Variants in KIF7 observed in about 807,000 individuals in gnomAD.
KIF7 encodes the protein kinesin-like protein KIF7.
A neutral mutation model predicts 135.7 loss-of-function variants in KIF7; 104 were observed. That is an observed-to-expected ratio of 0.77 (90% confidence interval 0.65 to 0.90). The LOEUF (loss-of-function observed/expected upper bound fraction) is 0.90. Among genes scored for constraint, KIF7 ranks in the 40% least tolerant of loss-of-function variants. The pLI is 0.00. For missense variants in KIF7, 2,005 were observed against 1,839.1 expected (o/e 1.09, Z -1.65); for synonymous variants, 883 against 809.4 (o/e 1.09, Z -1.54).
chr15:89,635,025 CT>C (rs890607314), intron 11 of KIF7, among the ~76,000 whole-genome samples: 1 of 152,338 alleles, frequency 6.6e-6, no homozygotes, highest in Non-Finnish European at 1.5e-5. Context: ...GACCCCTGAC[CT>C]CCGAGCAGCC....
At chr15:89,630,963 T>C (rs954218438) in intron 15 of KIF7, 7 of 267,764 alleles carry the variant, frequency 2.6e-5, no homozygotes, top group African/African-American at 1.3e-4. Flanking sequence ...GTGACTGTAC[T>C]GAATACTGTA....
In KIF7 at chr15:89,652,852, G is replaced by A. The variant is rs1429190056; in HGVS notation, c.79C>T (p.Pro27Ser). 4 of 1,548,328 alleles carry A rather than the reference G, an allele frequency of 2.6e-6. No individual in the cohort carries two copies. Among genetic ancestry groups the A allele is most frequent in the Non-Finnish European group, 3.5e-6 (4 of 1,145,838 alleles). Reference protein sequence around the residue: ...RVALRVRPLLPKELLHGHQSC... With the variant: ...RVALRVRPLLSKELLHGHQSC... ...TGATGCCCGTGCAGCAGCTCCTTGGGCAGCAGTGGTCGAACTCGCAGGGCA... is the reference window on the plus strand; with the variant it reads ...TGATGCCCGTGCAGCAGCTCCTTGGACAGCAGTGGTCGAACTCGCAGGGCA... The change falls in exon 2 of 19, where the codon CCC becomes TCC. Residue 27 changes from proline (P) to serine (S), a missense_variant. Pro to Ser is a moderately conservative substitution (Grantham distance 74). Transcript: ENST00000394412.
chr15:89,625,752 A>G (rs1412269820), downstream of KIF7: 1 of 1,612,070 alleles, frequency 6.2e-7, no homozygotes, highest in Non-Finnish European at 8.5e-7. Context: ...CATGGCAGCT[A>G]CCCTCCACGG....
chr15:89,660,755 C>G, the KIF7 span, among the ~76,000 whole-genome samples: 1 of 152,144 alleles, frequency 6.6e-6, no homozygotes, highest in Non-Finnish European at 1.5e-5. Flanking sequence ...CTTCCCTGTC[C>G]CATTGATGTG....
At chr15:89,631,044 T>A in intron 15 of KIF7, 2 of 228,816 alleles carry the variant, frequency 8.7e-6, no homozygotes, top group South Asian at 1.5e-4. Context: ...TGCGGTGTTA[T>A]AATTTTCTGG....
rs563944213 is a variant in KIF7, at chr15:89,629,469, G to C, written c.3423C>G (p.Ala1141=). ...QQRLVYWLEV[A]LERQRLEMDR... ...CCATCTCCAGGCGCTGCCGCTCCAG[G>C]GCCACCTCCAGCCAGTACACCAGCC... Residue 1141 remains alanine, a synonymous_variant, in exon 17 of 19, where the codon GCC becomes GCG. Coordinates refer to ENST00000394412, the MANE Select transcript of KIF7 (RefSeq NM_198525.3). 5 of 1,610,344 alleles carry C rather than the reference G, an allele frequency of 3.1e-6. No individual in the cohort carries two copies. The African/African-American group carries it at 5.3e-5, about 17-fold the overall frequency.
chr15:89,628,683 C>T lies in KIF7; in HGVS notation c.3768G>A (p.Glu1256=). Residue 1256 remains glutamate, a synonymous_variant, in exon 19 of 19, where the codon GAG becomes GAA. Transcript: ENST00000394412. ...TCTCCTCCCGGGTGCGGGGGGCCCC[C>T]TCAGTGAGGGGGGACAGCCAGAGAA... is the stretch of plus-strand genomic sequence containing the variant. ...PELLWLSPLT[E]GAPRTREETR... The T allele has an allele frequency of 6.2e-7, 1 of 1,613,016 alleles. No individual in the cohort carries two copies. Among genetic ancestry groups the T allele is most frequent in the Non-Finnish European group, 8.5e-7 (1 of 1,179,886 alleles).
chr15:89,638,168 A>T (rs1380484390), intron 11 of KIF7, among the ~76,000 whole-genome samples: 1 of 138,046 alleles, frequency 7.2e-6, no homozygotes, highest in Non-Finnish European at 1.6e-5. Context: ...CATAAGAGCT[A>T]TCTATGACAA....
chr15:89,633,360 A>G (rs1429953156), intron 12 of KIF7, 94 bp from the exon 13 acceptor site: 3 of 1,485,790 alleles, frequency 2.0e-6, no homozygotes, highest in South Asian at 2.4e-5. Context: ...GTGCCTGCCC[A>G]CTCCCAAGAG....
chr15:89,657,495 G>T (rs1032493230), upstream of KIF7, among the ~76,000 whole-genome samples: 7 of 152,070 alleles, frequency 4.6e-5, no homozygotes, highest in African/African-American at 1.7e-4. Flanking sequence ...CTTTCTGGTG[G>T]ATGTGCAGTG....
chr15:89,646,098 A>T, intron 7 of KIF7, 72 bp from the exon 8 acceptor site: 1 of 1,577,346 alleles, frequency 6.3e-7, no homozygotes, highest in South Asian at 1.1e-5. Flanking sequence ...TGCCCTCCTC[A>T]TATCTCTCCC....
chr15:89,648,960 A>AG lies in KIF7; in HGVS notation c.923+13dup, dbSNP rs1460492974. The AG allele has an allele frequency of 5.9e-6, 9 of 1,525,646 alleles. No individual in the cohort carries two copies. The Admixed American group carries it at 1.0e-4, about 17-fold the overall frequency. The allele number at this position is 1,525,646 out of a possible 1,614,324, so 94.5% of individuals were successfully genotyped here. ...CCGGCCCCCAGGCCACATAGGAGCC[A>AG]GGGGGCAGCTCACCGGGTGATCTTG... On this transcript the variant is annotated intron_variant, in intron 4 of 18. Transcript: ENST00000394412.
downstream of KIF7, chr15:89,624,913 C>G: frequency 1.2e-6 from 2 of 1,614,100 alleles, no homozygotes; most frequent in Non-Finnish European, 1.7e-6. Flanking sequence ...GAGACAGTGC[C>G]AGGCTTCGGC....
At chr15:89,623,481 G>C (rs536684961), downstream of KIF7, 334 of 853,980 alleles carry the variant, frequency 3.9e-4, 2 homozygotes, top group Non-Finnish European at 4.4e-4. Flanking sequence ...AGAGGGAAAC[G>C]GGTCACTATT....
At chr15:89,630,141 G>T in intron 16 of KIF7, 146 bp downstream of exon 16, 1 of 730,140 alleles carries the variant, frequency 1.4e-6, no homozygotes, top group Non-Finnish European at 2.3e-6. Context: ...TAGGCTTTAA[G>T]GTCAGGCGGC....
upstream of KIF7, among the ~76,000 whole-genome samples, chr15:89,659,563 A>G (rs1222780991): frequency 6.6e-6 from 1 of 152,196 alleles, no homozygotes; most frequent in Non-Finnish European, 1.5e-5. Flanking sequence ...GAGAAGAGAA[A>G]GGGCAAATAC....
At chr15:89,634,531 G>A (rs1443783033) in intron 11 of KIF7, among the ~76,000 whole-genome samples, 2 of 152,236 alleles carry the variant, frequency 1.3e-5, no homozygotes, top group African/African-American at 4.8e-5. Flanking sequence ...CAAGGGGTCA[G>A]GGAGTTCCCT....
In KIF7 at chr15:89,631,534, G is replaced by T. The variant is rs1031833576; in HGVS notation, c.3072C>A (p.Ile1024=). The T allele has an allele frequency of 5.7e-6, 9 of 1,583,462 alleles. No homozygotes were observed. The highest frequency in any genetic ancestry group is 2.3e-5 in the East Asian group (1 of 43,518). Residue 1024 remains isoleucine (I), a synonymous_variant, in exon 15 of 19, where the codon ATC becomes ATA. Transcript: ENST00000394412. ...KDSLLKQRLE[I]DGKLRQGSLL... ...GACTCCCCTGCCTCAGCTTGCCGTCGATCTCCAGGCGCTGCTTGAGCAGCG... is the reference window on the plus strand; with the variant it reads ...GACTCCCCTGCCTCAGCTTGCCGTCTATCTCCAGGCGCTGCTTGAGCAGCG...
chr15:89,642,390 GC>G lies in KIF7; in HGVS notation c.2206del (p.Ala736ProfsTer2). 6.2e-7 allele frequency: 1 copy of G among 1,601,260 alleles called. No homozygotes were observed. Among genetic ancestry groups the G allele is most frequent in the Non-Finnish European group, 8.5e-7 (1 of 1,174,784 alleles). ...ACGCTGGCTGTGCTGGCGGTTCAGG[GC>G]CTGAGCTGCCTTTCCTGGAAGAAAG... is the stretch of plus-strand genomic sequence containing the variant. ...ELVRTGKAAQ[A>X]LNRQHSQRIR... is the part of the protein sequence containing the mutation. On this transcript the variant is annotated frameshift_variant, in exon 11 of 19. Coordinates refer to ENST00000394412, the MANE Select transcript of KIF7 (RefSeq NM_198525.3). LOFTEE classifies it high-confidence loss of function.
Sources: allele counts gnomAD v4.1 joint callset (sites outside exome capture counted in the v4.1 genomes callset), GRCh38; gene constraint gnomAD v4.1.1; transcripts MANE v1.5; gene names NCBI Gene and HGNC (gene_info 2026-07-23, HGNC 2026-07-21).